GALNT13: variants seen among roughly 807,000 people sequenced by gnomAD.
GALNT13 encodes polypeptide N-acetylgalactosaminyltransferase 13, also known as UDP-GalNAc:polypeptide N-acetylgalactosaminyltransferase 13.
In GALNT13, 28 loss-of-function variants were observed where a neutral mutation model predicts 64.2. The ratio of observed to expected loss-of-function variants is 0.44; its 90% CI spans 0.32 to 0.60. The LOEUF (loss-of-function observed/expected upper bound fraction) is 0.60. Ranked by LOEUF, GALNT13 falls within the 20% of genes least tolerant of loss-of-function variation. The pLI, the probability that GALNT13 is intolerant of heterozygous loss-of-function variation, is 0.05. For synonymous variants in GALNT13, 214 were observed against 224.6 expected, an observed-to-expected ratio of 0.95 and a Z score of 0.42; for missense variants, 577 against 669.8, an observed-to-expected ratio of 0.86 and a Z score of 1.53.
chr2:154,446,567 G>T, intron 12 of GALNT13: 2 of 1,538,468 alleles, frequency 1.3e-6, no homozygotes, highest in East Asian at 2.5e-5. Context: ...TTGTCAAACA[G>T]ACCCACACTC....
intron 3 of GALNT13, among the ~76,000 whole-genome samples, chr2:154,011,474 TG>T (rs1696634341): frequency 6.6e-6 from 1 of 152,318 alleles, no homozygotes; most frequent in East Asian, 1.9e-4. Flanking sequence ...TGCTGAGAAT[TG>T]TTTCATGGCT....
At chr2:153,472,792 TTTG>T in the GALNT13 span, among the ~76,000 whole-genome samples, 1 of 152,176 alleles carries the variant, frequency 6.6e-6, no homozygotes, top group African/African-American at 2.4e-5. Flanking sequence ...GAAAATAAGC[TTTG>T]TTTATTCTCA....
At chr2:153,455,039 A>G in the GALNT13 span, among the ~76,000 whole-genome samples, 8 of 152,168 alleles carry the variant, frequency 5.3e-5, no homozygotes, top group Non-Finnish European at 1.0e-4. Context: ...TGAGTGGGGG[A>G]AGAATATAAC....
chr2:153,162,130 A>T, the GALNT13 span, among the ~76,000 whole-genome samples: 1 of 151,860 alleles, frequency 6.6e-6, no homozygotes, highest in Non-Finnish European at 1.5e-5. Context: ...TGCCAGAGAG[A>T]CTCCAGCTTC....
chr2:153,945,735 G>A (rs1691686394), intron 3 of GALNT13, among the ~76,000 whole-genome samples: 1 of 152,064 alleles, frequency 6.6e-6, no homozygotes, highest in Non-Finnish European at 1.5e-5. Flanking sequence ...TGTTCAAAGA[G>A]TACTTTAGAC....
At chr2:153,788,687 A>G in the GALNT13 span, among the ~76,000 whole-genome samples, 5 of 152,126 alleles carry the variant, frequency 3.3e-5, no homozygotes, top group Admixed American at 3.3e-4. Flanking sequence ...ATCCAATTGT[A>G]TGCTATCTTC....
chr2:154,358,269 A>G (rs1254544420), intron 9 of GALNT13, among the ~76,000 whole-genome samples: 2 of 152,092 alleles, frequency 1.3e-5, no homozygotes, highest in African/African-American at 4.8e-5. Flanking sequence ...CACATCTTAG[A>G]AAGTGTTGTC....
intron 4 of GALNT13, among the ~76,000 whole-genome samples, chr2:154,165,006 T>G (rs1684948090): frequency 6.6e-6 from 1 of 152,092 alleles, no homozygotes; most frequent in African/African-American, 2.4e-5. Flanking sequence ...AGAAACACAC[T>G]GTTTGAAAAA....
chr2:154,211,817 G>A (rs1687791199), intron 4 of GALNT13, among the ~76,000 whole-genome samples: 1 of 151,944 alleles, frequency 6.6e-6, no homozygotes, highest in South Asian at 2.1e-4. Flanking sequence ...GATATCCCAA[G>A]AAGTGAGTAT....
chr2:153,818,449 C>A, the GALNT13 span, among the ~76,000 whole-genome samples: 1 of 152,162 alleles, frequency 6.6e-6, no homozygotes, highest in African/African-American at 2.4e-5. Flanking sequence ...GTCTGAACAC[C>A]GGGGACAGTT....
chr2:154,028,222 T>A (rs1698107215), intron 3 of GALNT13, among the ~76,000 whole-genome samples: 1 of 152,180 alleles, frequency 6.6e-6, no homozygotes, highest in South Asian at 2.1e-4. Context: ...GGCAAAATCA[T>A]AACCTGCATA....
At chr2:154,278,085 A>T (rs755455296) in intron 8 of GALNT13, among the ~76,000 whole-genome samples, 1 of 152,164 alleles carries the variant, frequency 6.6e-6, no homozygotes, top group African/African-American at 2.4e-5. Context: ...ACCAAATTCT[A>T]TATTTACTTT....
intron 9 of GALNT13, among the ~76,000 whole-genome samples, chr2:154,310,803 A>T (rs1311496265): frequency 6.6e-6 from 1 of 152,058 alleles, no homozygotes; most frequent in Non-Finnish European, 1.5e-5. Flanking sequence ...CTCTGCACTT[A>T]GTTTGTTTGC....
intron 9 of GALNT13, among the ~76,000 whole-genome samples, chr2:154,349,047 A>G (rs1696236322): frequency 6.6e-6 from 1 of 152,238 alleles, no homozygotes. Flanking sequence ...TTACCACAAC[A>G]TTTAAAAGAT....
chr2:153,467,350 C>A, the GALNT13 span, among the ~76,000 whole-genome samples: 1 of 151,932 alleles, frequency 6.6e-6, no homozygotes, highest in East Asian at 1.9e-4. Context: ...TTCTGCGTAT[C>A]CCCTATGTGA....
At position 154,223,405 on chromosome 2, in the gene GALNT13, T is replaced by C. The variant is rs139821236; in HGVS notation, c.312-18625T>C. On this transcript the variant is annotated intron_variant, in intron 4 of 12. Coordinates refer to ENST00000392825, the MANE Select transcript of GALNT13 (RefSeq NM_052917.4). ...TATGTTATTGTAGATGGAAAGCTGA[T>C]CCACTTTGTTGAAATTTATTATTTA... Among the ~76,000 whole-genome samples the C allele has an allele frequency of 6.7e-3, 1,015 of 151,768 alleles. 8 individuals carry two copies. Among genetic ancestry groups the C allele is most frequent in the African/African-American group, 0.024 (981 of 41,486 alleles).
chr2:153,856,622 C>G, the GALNT13 span, among the ~76,000 whole-genome samples: 1 of 152,076 alleles, frequency 6.6e-6, no homozygotes, highest in Non-Finnish European at 1.5e-5. Flanking sequence ...GACAAAATTT[C>G]TTGTCTAGGT....
chr2:153,575,479 T>C, the GALNT13 span, among the ~76,000 whole-genome samples: 1 of 152,188 alleles, frequency 6.6e-6, no homozygotes, highest in Admixed American at 6.5e-5. Flanking sequence ...CAAGGTCCCA[T>C]GTGGGTCCAG....
intron 1 of GALNT13, among the ~76,000 whole-genome samples, chr2:153,890,605 A>T (rs188154017): frequency 1.3e-5 from 2 of 152,062 alleles, no homozygotes; most frequent in East Asian, 1.9e-4. Context: ...TGACACTTTT[A>T]TCTGGGTCTC....
Sources: allele counts gnomAD v4.1 joint callset (sites outside exome capture counted in the v4.1 genomes callset), GRCh38; gene constraint gnomAD v4.1.1; transcripts MANE v1.5; gene names NCBI Gene and HGNC (gene_info 2026-07-23, HGNC 2026-07-21).